Variants in NTF3 observed in about 807,000 individuals in gnomAD.
NTF3 encodes the protein neurotrophin 3.
Under a neutral mutation model 26.3 loss-of-function variants are expected in NTF3, and 8 were observed. The ratio of observed to expected loss-of-function variants is 0.30; its 90% CI spans 0.18 to 0.55. NTF3 has a LOEUF of 0.55. NTF3 is among the 20% of genes least tolerant of loss of function. NTF3 has a pLI of 0.93. For missense variants in NTF3, 276 were observed against 352.9 expected (o/e 0.78, Z 1.75); for synonymous variants, 154 against 145.5 (o/e 1.06, Z -0.42).
At chr12:5,462,296 G>A (rs139915818) in intron 1 of NTF3, among the ~76,000 whole-genome samples, 7 of 152,266 alleles carry the variant, frequency 4.6e-5, no homozygotes, top group Admixed American at 1.3e-4. Context: ...TTACCAATTT[G>A]CCATCTCTAG....
intron 1 of NTF3, among the ~76,000 whole-genome samples, chr12:5,435,588 G>A (rs1400654036): frequency 6.6e-6 from 1 of 152,166 alleles, no homozygotes; most frequent in Admixed American, 6.5e-5. Flanking sequence ...TGTGGGGTGT[G>A]GGCTGGGAAT....
intron 1 of NTF3, among the ~76,000 whole-genome samples, chr12:5,445,288 ATGTGTGTGTGTATGTGTGTGTGTGTG>A (rs1225222562): frequency 3.0e-5 from 3 of 101,456 alleles, no homozygotes; most frequent in South Asian, 3.8e-4. Context: ...GGATTAAATG[ATGTGTGTGTGTATGTGTGTGTGTGTG>A]TGTGTGTGTG....
At chr12:5,467,825 T>G (rs1204486458) in intron 1 of NTF3, among the ~76,000 whole-genome samples, 1 of 152,202 alleles carries the variant, frequency 6.6e-6, no homozygotes, top group Non-Finnish European at 1.5e-5. Context: ...CAGCTGCCTG[T>G]CCTGTTCTCT....
chr12:5,432,455 A>AC, intron 1 of NTF3, 113 bp downstream of exon 1: 4 of 1,163,156 alleles, frequency 3.4e-6, no homozygotes, highest in Middle Eastern at 2.5e-4. Flanking sequence ...ATCCCGCCCC[A>AC]CCCCCATCGC....
intron 1 of NTF3, among the ~76,000 whole-genome samples, chr12:5,474,971 G>A (rs1267172865): frequency 1.3e-5 from 2 of 152,146 alleles, no homozygotes; most frequent in Admixed American, 6.5e-5. Flanking sequence ...GGTGACTTCA[G>A]CTTTGGATAT....
intron 1 of NTF3, among the ~76,000 whole-genome samples, chr12:5,487,149 C>A (rs1240854127): frequency 6.6e-6 from 1 of 152,172 alleles, no homozygotes; most frequent in African/African-American, 2.4e-5. Flanking sequence ...GTCGGCATAC[C>A]AAGCTCCTTT....
chr12:5,439,679 G>A (rs577600643), intron 1 of NTF3, among the ~76,000 whole-genome samples: 2 of 152,290 alleles, frequency 1.3e-5, no homozygotes, highest in African/African-American at 4.8e-5. Context: ...TTGCCTCCTT[G>A]TAAACTCTAT....
intron 1 of NTF3, among the ~76,000 whole-genome samples, chr12:5,463,035 C>T (rs1328126127): frequency 6.6e-6 from 1 of 152,122 alleles, no homozygotes; most frequent in African/African-American, 2.4e-5. Flanking sequence ...AAGGTTTCAC[C>T]ATAGATTACC....
intron 1 of NTF3, among the ~76,000 whole-genome samples, chr12:5,438,897 C>G (rs1200199811): frequency 6.6e-6 from 1 of 152,220 alleles, no homozygotes; most frequent in Non-Finnish European, 1.5e-5. Flanking sequence ...ATCCTCCTAC[C>G]TAATCAGTGC....
intron 1 of NTF3, among the ~76,000 whole-genome samples, chr12:5,457,145 T>C (rs1343359467): frequency 2.0e-5 from 3 of 152,242 alleles, no homozygotes; most frequent in African/African-American, 7.2e-5. Context: ...TATAAAGTCA[T>C]GCATATTAGG....
At chr12:5,469,737 G>A (rs1456744506) in intron 1 of NTF3, among the ~76,000 whole-genome samples, 1 of 152,130 alleles carries the variant, frequency 6.6e-6, no homozygotes, top group Non-Finnish European at 1.5e-5. Context: ...TTTGAAATAT[G>A]TATTTTTTAA....
chr12:5,487,544 T>G (rs80146333), intron 1 of NTF3, among the ~76,000 whole-genome samples: 3,455 of 152,252 alleles, frequency 0.023, 143 homozygotes, highest in African/African-American at 0.079. Context: ...TATCCTAGAG[T>G]ATGCCTTCAC....
chr12:5,448,967 G>A (rs1940338923), intron 1 of NTF3, among the ~76,000 whole-genome samples: 1 of 152,170 alleles, frequency 6.6e-6, no homozygotes, highest in South Asian at 2.1e-4. Context: ...GTTCTGTGCT[G>A]GACAGGAATA....
intron 1 of NTF3, among the ~76,000 whole-genome samples, chr12:5,468,126 A>G (rs762561346): frequency 8.5e-5 from 13 of 152,170 alleles, no homozygotes; most frequent in Non-Finnish European, 1.5e-4. Flanking sequence ...CTTCGATGCT[A>G]TCAACTCTGC....
Position 5,450,849 on chromosome 12 carries a change from T to C in NTF3, c.18+18507T>C, listed in dbSNP as rs904971073. 6.6e-5 allele frequency among the ~76,000 whole-genome samples: 10 copies of C among 152,334 alleles called. No individual in the cohort carries two copies. In the South Asian group the frequency reaches 1.0e-3, roughly 16 times the overall value. On this transcript the variant is annotated intron_variant, in intron 1 of 1. Coordinates refer to ENST00000423158, the MANE Select transcript of NTF3 (RefSeq NM_001102654.2). ...ATGTTAATTCTATGAGGACAGGGCT[T>C]TCTGTGGCCTTGCTTCATTGCTGTA...
chr12:5,477,323 CTCT>C (rs1357103677), intron 1 of NTF3, among the ~76,000 whole-genome samples: 2 of 152,120 alleles, frequency 1.3e-5, no homozygotes, highest in African/African-American at 4.8e-5. Context: ...CATCCCCAGT[CTCT>C]TCTTTATAAT....
At chr12:5,492,973 CATG>C (rs1257387779) in intron 1 of NTF3, among the ~76,000 whole-genome samples, 1 of 152,156 alleles carries the variant, frequency 6.6e-6, no homozygotes, top group African/African-American at 2.4e-5. Flanking sequence ...TTTTATTTTC[CATG>C]TTTGGACAGA....
chr12:5,470,498 T>TG (rs1373572537), intron 1 of NTF3, among the ~76,000 whole-genome samples: 2 of 152,226 alleles, frequency 1.3e-5, no homozygotes, highest in African/African-American at 4.8e-5. Flanking sequence ...TCCGTGTTCC[T>TG]GGGGCATTCC....
intron 1 of NTF3, among the ~76,000 whole-genome samples, chr12:5,481,673 C>T (rs1940803226): frequency 7.7e-6 from 1 of 130,670 alleles, no homozygotes; most frequent in Non-Finnish European, 1.6e-5. Context: ...CATGCACACA[C>T]ATGTATAGAC....
Sources: gnomAD v4.1 joint callset for allele counts (sites outside exome capture counted in the v4.1 genomes callset) on GRCh38, gnomAD v4.1.1 for gene constraint, MANE v1.5 for transcripts, NCBI Gene and HGNC (gene_info 2026-07-23, HGNC 2026-07-21) for gene names.